Variants in PRELID2 observed in about 807,000 individuals in gnomAD.
The protein encoded by PRELID2 is PRELI domain-containing protein 2.
Under a neutral mutation model 28.4 loss-of-function variants are expected in PRELID2, and 25 were observed. The ratio of observed to expected loss-of-function variants is 0.88; its 90% CI spans 0.64 to 1.23. The LOEUF is 1.23. Among genes scored for constraint, PRELID2 ranks in the 50% most tolerant of loss-of-function variants. The pLI is 0.00. For synonymous variants in PRELID2, 76 were observed against 71.6 expected (o/e 1.06, Z -0.31); for missense variants, 201 against 214.4 (o/e 0.94, Z 0.39).
At chr5:145,694,111 G>A (rs1312586514) in intron 1 of PRELID2, among the ~76,000 whole-genome samples, 7 of 152,152 alleles carry the variant, frequency 4.6e-5, no homozygotes, top group Non-Finnish European at 7.4e-5. Flanking sequence ...GCATAAATTT[G>A]TTGTGAGAAT....
chr5:145,387,818 G>C, the PRELID2 span, among the ~76,000 whole-genome samples: 1 of 152,032 alleles, frequency 6.6e-6, no homozygotes, highest in South Asian at 2.1e-4. Flanking sequence ...TGTAGTCCCA[G>C]CTATTCTGGA....
At chr5:145,782,279 C>T (rs983189337) in intron 5 of PRELID2, among the ~76,000 whole-genome samples, 10 of 152,166 alleles carry the variant, frequency 6.6e-5, no homozygotes, top group South Asian at 2.1e-4. Context: ...AAGTGAATGG[C>T]GGTTGAGAGG....
chr5:145,821,655 G>A (rs1314989316), intron 2 of PRELID2, among the ~76,000 whole-genome samples: 1 of 152,220 alleles, frequency 6.6e-6, no homozygotes, highest in Non-Finnish European at 1.5e-5. Context: ...CCCAGAAGCT[G>A]TTGATAGGGT....
At chr5:145,300,013 G>T in the PRELID2 span, among the ~76,000 whole-genome samples, 15 of 151,844 alleles carry the variant, frequency 9.9e-5, no homozygotes, top group African/African-American at 2.4e-4. Flanking sequence ...ATGAACTCAA[G>T]ATTTAAATAT....
intron 1 of PRELID2, among the ~76,000 whole-genome samples, chr5:145,573,462 T>G (rs1036689781): frequency 4.6e-5 from 7 of 152,096 alleles, no homozygotes; most frequent in Non-Finnish European, 8.8e-5. Context: ...AAGCCCCACA[T>G]GCATCAGGTA....
chr5:145,790,721 G>GTGTGTGTGTATATA lies in PRELID2; in HGVS notation c.474+5720_474+5721insTATATACACACACA, dbSNP rs772901344. 6.1e-3 allele frequency among the ~76,000 whole-genome samples: 673 copies of GTGTGTGTGTATATA among 110,878 alleles called. 4 individuals carry two copies. Among genetic ancestry groups the GTGTGTGTGTATATA allele is most frequent in the South Asian group, 0.017 (53 of 3,042 alleles). 72.7% of individuals were successfully genotyped at this position (110,878 alleles called of 152,430 possible). Reference sequence around the variant, plus strand: ...CCACATTGTGTGTGTGTGTGTGTGTGTATATATATATATATATATATATAT... The same window carrying GTGTGTGTGTATATA: ...CCACATTGTGTGTGTGTGTGTGTGTGTGTGTGTGTATATATATATATATATATATATATATATAT... On this transcript the variant is annotated intron_variant, in intron 5 of 6. Transcript: ENST00000683046.
At chr5:145,449,452 CCTT>C in the PRELID2 span, among the ~76,000 whole-genome samples, 2 of 152,062 alleles carry the variant, frequency 1.3e-5, no homozygotes, top group African/African-American at 4.8e-5. Context: ...TTCAGATGCT[CCTT>C]CTCTTCTCTC....
the PRELID2 span, among the ~76,000 whole-genome samples, chr5:145,296,189 T>A: frequency 0.03 from 4,577 of 151,810 alleles, 231 homozygotes; most frequent in African/African-American, 0.1. Flanking sequence ...TTATTTATTT[T>A]TTTATTTTAT....
the PRELID2 span, among the ~76,000 whole-genome samples, chr5:145,306,362 T>C: frequency 6.6e-6 from 1 of 152,176 alleles, no homozygotes; most frequent in Non-Finnish European, 1.5e-5. Flanking sequence ...AATGAGTTAA[T>C]TATATTTTTT....
intron 1 of PRELID2, among the ~76,000 whole-genome samples, chr5:145,610,895 A>G (rs890226081): frequency 6.6e-6 from 1 of 151,726 alleles, no homozygotes; most frequent in Non-Finnish European, 1.5e-5. Context: ...GAGATAAGAA[A>G]CCACTCTCAT....
At chr5:145,672,501 GA>G (rs752045360) in intron 1 of PRELID2, among the ~76,000 whole-genome samples, 2,595 of 99,110 alleles carry the variant, frequency 0.026, 62 homozygotes, top group African/African-American at 0.068. Context: ...CGGAGCTTGT[GA>G]AAAAAAAAAA....
At chr5:145,689,048 A>G (rs1755092825) in intron 1 of PRELID2, among the ~76,000 whole-genome samples, 1 of 152,242 alleles carries the variant, frequency 6.6e-6, no homozygotes, top group Non-Finnish European at 1.5e-5. Context: ...AACTACAGGA[A>G]GCAGCTACTA....
At chr5:145,412,969 A>G in the PRELID2 span, among the ~76,000 whole-genome samples, 10 of 152,112 alleles carry the variant, frequency 6.6e-5, no homozygotes, top group African/African-American at 2.2e-4. Flanking sequence ...TGAGAACCGC[A>G]TGGGGGAAAC....
intron 1 of PRELID2, among the ~76,000 whole-genome samples, chr5:145,663,463 T>C (rs1355951240): frequency 6.6e-6 from 1 of 152,136 alleles, no homozygotes; most frequent in African/African-American, 2.4e-5. Flanking sequence ...TGGTACAAGC[T>C]GTAAGGCAGC....
At chr5:145,458,370 C>T in the PRELID2 span, among the ~76,000 whole-genome samples, 1 of 152,158 alleles carries the variant, frequency 6.6e-6, no homozygotes, top group Non-Finnish European at 1.5e-5. Context: ...GGGAAAATTT[C>T]CACTATGTAT....
chr5:145,431,009 T>G, the PRELID2 span, among the ~76,000 whole-genome samples: 2 of 137,454 alleles, frequency 1.5e-5, no homozygotes, highest in East Asian at 2.0e-4. Context: ...GGCAATGGTT[T>G]TTTTTTTTTT....
chr5:145,686,248 A>G (rs1469979315), intron 1 of PRELID2, among the ~76,000 whole-genome samples: 1 of 152,186 alleles, frequency 6.6e-6, no homozygotes, highest in East Asian at 1.9e-4. Flanking sequence ...CCCTGTAGGT[A>G]GGGACCACAT....
intron 1 of PRELID2, among the ~76,000 whole-genome samples, chr5:145,473,973 C>T (rs916898719): frequency 6.6e-6 from 1 of 152,194 alleles, no homozygotes; most frequent in Non-Finnish European, 1.5e-5. Flanking sequence ...ACAGTTAAAT[C>T]TGTGGAAGCC....
intron 1 of PRELID2, among the ~76,000 whole-genome samples, chr5:145,504,918 C>A (rs977839418): frequency 6.6e-6 from 1 of 152,118 alleles, no homozygotes; most frequent in African/African-American, 2.4e-5. Flanking sequence ...CCAATATATT[C>A]TTGTTCACTT....
Sources: gnomAD v4.1 joint callset for allele counts (sites outside exome capture counted in the v4.1 genomes callset) on GRCh38, gnomAD v4.1.1 for gene constraint, MANE v1.5 for transcripts, NCBI Gene and HGNC (gene_info 2026-07-23, HGNC 2026-07-21) for gene names.